The following HOMER2 variants were observed in gnomAD, a reference collection of about 807,000 sequenced individuals.
HOMER2 encodes homer protein homolog 2.
A neutral mutation model predicts 47.0 loss-of-function variants in HOMER2; 27 were observed. The observed-to-expected ratio is 0.57, with a 90% CI of 0.42 to 0.79. HOMER2 has a LOEUF of 0.79. Ranked by LOEUF, HOMER2 falls within the 30% of genes least tolerant of loss-of-function variation. The probability of loss-of-function intolerance (pLI) is 0.00; values close to 1 mark genes in which losing one functional copy is unlikely to be tolerated. For missense variants in HOMER2, 443 were observed against 435.0 expected (o/e 1.02, Z -0.16); for synonymous variants, 161 against 163.8 (o/e 0.98, Z 0.13).
chr15:82,878,918 T>G (rs898973011), intron 2 of HOMER2, among the ~76,000 whole-genome samples: 7 of 152,146 alleles, frequency 4.6e-5, no homozygotes, highest in Admixed American at 6.6e-5. Flanking sequence ...GGAGCCACCA[T>G]GCTGGCCATG....
At chr15:82,894,670 C>CAAAA (rs11302464) in intron 1 of HOMER2, among the ~76,000 whole-genome samples, 4 of 79,286 alleles carry the variant, frequency 5.0e-5, no homozygotes, top group Non-Finnish European at 8.9e-5. Context: ...GACTCCATCT[C>CAAAA]AAAAAAAAAA....
At chr15:82,918,720 T>C (rs75676207) in intron 1 of HOMER2, among the ~76,000 whole-genome samples, 6,312 of 152,286 alleles carry the variant, frequency 0.041, 189 homozygotes, top group Non-Finnish European at 0.064. Context: ...TCTGTCACTA[T>C]GGCAGAAACC....
intron 1 of HOMER2, among the ~76,000 whole-genome samples, chr15:82,961,370 A>G (rs141367105): frequency 1.3e-5 from 2 of 151,888 alleles, no homozygotes; most frequent in African/African-American, 4.8e-5. Context: ...TCTGTGACAG[A>G]CCCCTCCTTT....
chr15:82,894,670 C>CAAA lies in HOMER2; in HGVS notation c.6-1832_6-1830dup, dbSNP rs11302464. Among the ~76,000 whole-genome samples, 222 of 79,232 alleles carry CAAA rather than the reference C, an allele frequency of 2.8e-3. 3 individuals carry two copies. The highest frequency in any genetic ancestry group is 0.012 in the East Asian group (34 of 2,792). The allele number at this position is 79,232 out of a possible 152,430, so 52.0% of individuals were successfully genotyped here. A position where few individuals can be genotyped will look rare whatever the true frequency, so the allele number is the denominator to read the frequency against. ...TGGGCGACAGAGCAAGACTCCATCT[C>CAAA]AAAAAAAAAAAAAAAAAATAGTCCC... On this transcript the variant is annotated intron_variant, in intron 1 of 8. Coordinates refer to ENST00000450735, the MANE Select transcript of HOMER2 (RefSeq NM_004839.4).
At chr15:82,889,275 G>A (rs923843138) in intron 2 of HOMER2, among the ~76,000 whole-genome samples, 1 of 152,180 alleles carries the variant, frequency 6.6e-6, no homozygotes, top group Non-Finnish European at 1.5e-5. Context: ...ATCAGGAAGT[G>A]TTCATACTCC....
At chr15:82,879,601 C>CTTT (rs1216911798) in intron 2 of HOMER2, among the ~76,000 whole-genome samples, 1 of 152,124 alleles carries the variant, frequency 6.6e-6, no homozygotes, top group East Asian at 1.9e-4. Flanking sequence ...TATTTTATTG[C>CTTT]TAAAAAATGC....
chr15:82,877,014 TA>T (rs2052371614), intron 2 of HOMER2, among the ~76,000 whole-genome samples: 1 of 152,212 alleles, frequency 6.6e-6, no homozygotes, highest in African/African-American at 2.4e-5. Context: ...GCTGGTAAAA[TA>T]ATTTTTAGAA....
At chr15:82,947,658 ATCC>A (rs2054411008) in intron 1 of HOMER2, among the ~76,000 whole-genome samples, 1 of 152,240 alleles carries the variant, frequency 6.6e-6, no homozygotes. Context: ...AGAAAGCTGC[ATCC>A]AAATGTGATC....
intron 3 of HOMER2, among the ~76,000 whole-genome samples, chr15:82,871,126 G>A (rs2052162863): frequency 6.6e-6 from 1 of 152,220 alleles, no homozygotes; most frequent in Non-Finnish European, 1.5e-5. Flanking sequence ...ACGAGTCCCA[G>A]TTTACTTCTG....
At chr15:82,949,929 C>A (rs999177180) in intron 1 of HOMER2, among the ~76,000 whole-genome samples, 1 of 151,930 alleles carries the variant, frequency 6.6e-6, no homozygotes, top group Non-Finnish European at 1.5e-5. Context: ...ATGGAGAAGA[C>A]CCCGGAGAGA....
chr15:82,868,652 GAT>G (rs1032884101), intron 3 of HOMER2, among the ~76,000 whole-genome samples: 1 of 148,398 alleles, frequency 6.7e-6, no homozygotes, highest in African/African-American at 2.5e-5. Flanking sequence ...AGGCTCAGGT[GAT>G]TCTCCTGCCT....
chr15:82,936,495 T>A (rs1348195735), intron 1 of HOMER2, among the ~76,000 whole-genome samples: 3 of 152,232 alleles, frequency 2.0e-5, no homozygotes, highest in African/African-American at 7.2e-5. Flanking sequence ...ATTAAAATTT[T>A]AATTTCACTT....
chr15:82,892,230 C>G (rs994009996), intron 2 of HOMER2, among the ~76,000 whole-genome samples: 1 of 152,132 alleles, frequency 6.6e-6, no homozygotes, highest in Non-Finnish European at 1.5e-5. Flanking sequence ...GCTGGAAGAA[C>G]GAACCCTTCT....
rs1452363365 is a variant in HOMER2, at chr15:82,924,480, C to T, written c.5+28051G>A. 4.6e-5 allele frequency among the ~76,000 whole-genome samples: 7 copies of T among 151,912 alleles called. No individual in the cohort carries two copies. The East Asian group carries it at 5.8e-4, about 13-fold the overall frequency. On this transcript the variant is annotated intron_variant, in intron 1 of 8. Transcript: ENST00000450735. ...ATGGCTTGTGTGTGTAGACTTCTCC[C>T]GACTTCACTTTTATCTTCTTCAAGC...
At chr15:82,914,584 T>G (rs1011050734) in intron 1 of HOMER2, among the ~76,000 whole-genome samples, 2 of 152,044 alleles carry the variant, frequency 1.3e-5, no homozygotes, top group Non-Finnish European at 2.9e-5. Flanking sequence ...TATTGCTTAA[T>G]GGGTTCAGAG....
chr15:82,974,297 G>A (rs1283751405), intron 1 of HOMER2, among the ~76,000 whole-genome samples: 3 of 152,048 alleles, frequency 2.0e-5, no homozygotes. Context: ...CCAGCCACTC[G>A]GGAGGCTGAG....
intron 1 of HOMER2, among the ~76,000 whole-genome samples, chr15:82,945,764 A>C (rs1256996967): frequency 1.3e-5 from 2 of 152,136 alleles, no homozygotes; most frequent in East Asian, 1.9e-4. Flanking sequence ...AGGTCAGGAG[A>C]TCGAGACCAT....
chr15:82,836,237 C>G (rs1418849515), downstream of HOMER2: 1 of 152,260 alleles, frequency 6.6e-6, no homozygotes, highest in Non-Finnish European at 1.5e-5. Flanking sequence ...GAATTCAGAG[C>G]CAAGGAAGTG....
chr15:82,872,511 A>G (rs2052210562), intron 3 of HOMER2, among the ~76,000 whole-genome samples: 1 of 152,188 alleles, frequency 6.6e-6, no homozygotes, highest in Admixed American at 6.5e-5. Context: ...AATGCATCTG[A>G]GCATTTTCCT....
Sources: gnomAD v4.1 joint callset for allele counts (sites outside exome capture counted in the v4.1 genomes callset) on GRCh38, gnomAD v4.1.1 for gene constraint, MANE v1.5 for transcripts, NCBI Gene and HGNC (gene_info 2026-07-23, HGNC 2026-07-21) for gene names.